KIF23: variants seen among roughly 807,000 people sequenced by gnomAD.
The protein encoded by KIF23 is kinesin family member 23.
In KIF23, 30 loss-of-function variants were observed where a neutral mutation model predicts 137.5. That is an observed-to-expected ratio of 0.22 (90% CI 0.16 to 0.30). KIF23 has a LOEUF of 0.30. Ranked by LOEUF, KIF23 falls within the 10% of genes least tolerant of loss-of-function variation. The pLI is 1.00. For missense variants in KIF23, 920 were observed against 1,194.3 expected (o/e 0.77, Z 3.38); for synonymous variants, 367 against 391.1 (o/e 0.94, Z 0.73).
chr15:69,440,249 C>A, intron 17 of KIF23, 59 bp from the exon 18 acceptor site: 1 of 1,546,094 alleles, frequency 6.5e-7, no homozygotes, highest in South Asian at 1.2e-5. Context: ...ATTGGGTAAT[C>A]TGGTGTACTC....
intron 3 of KIF23, among the ~76,000 whole-genome samples, chr15:69,419,270 A>G (rs2056993632): frequency 6.7e-6 from 1 of 148,466 alleles, no homozygotes; most frequent in South Asian, 2.2e-4. Flanking sequence ...TCCACTTGGA[A>G]TCTTCTCTAA....
chr15:69,415,000 G>T (rs2056861209), intron 1 of KIF23: 1 of 153,274 alleles, frequency 6.5e-6, no homozygotes, highest in African/African-American at 2.4e-5. Flanking sequence ...TGTCCTTGAG[G>T]CCGAGCCCAT....
chr15:69,445,166 T>TAACC, intron 20 of KIF23, 125 bp downstream of exon 20: 1 of 957,114 alleles, frequency 1.0e-6, no homozygotes, highest in Non-Finnish European at 1.5e-6. Context: ...GTATTTGATA[T>TAACC]AACCTTTTTG....
At chr15:69,420,093 C>G (rs1404381985) in intron 3 of KIF23, among the ~76,000 whole-genome samples, 1 of 151,994 alleles carries the variant, frequency 6.6e-6, no homozygotes, top group Non-Finnish European at 1.5e-5. Flanking sequence ...GGCGAAACCC[C>G]ATCACTACTA....
chr15:69,446,769 A>G (rs2057748572), intron 22 of KIF23, 102 bp from the exon 23 acceptor site: 6 of 1,019,414 alleles, frequency 5.9e-6, no homozygotes, highest in Admixed American at 1.7e-5. Flanking sequence ...TGAACTAGAA[A>G]GCAATATTGC....
At chr15:69,427,430 A>G (rs1370897578) in intron 10 of KIF23, 2 of 456,048 alleles carry the variant, frequency 4.4e-6, no homozygotes, top group South Asian at 3.1e-5. Context: ...AAGTTTGCAA[A>G]TCTTTAAAAA....
At chr15:69,442,375 G>C (rs2057642161) in intron 19 of KIF23, among the ~76,000 whole-genome samples, 1 of 152,026 alleles carries the variant, frequency 6.6e-6, no homozygotes, top group East Asian at 1.9e-4. Context: ...TGAATAAATG[G>C]ACCAAGTTAA....
At chr15:69,418,435 C>T (rs1350793206) in intron 3 of KIF23, among the ~76,000 whole-genome samples, 1 of 152,148 alleles carries the variant, frequency 6.6e-6, no homozygotes, top group African/African-American at 2.4e-5. Flanking sequence ...CTTATTCCCT[C>T]TCTAAATACT....
intron 8 of KIF23, 58 bp downstream of exon 8, chr15:69,425,381 G>A: frequency 7.2e-7 from 1 of 1,384,772 alleles, no homozygotes; most frequent in Non-Finnish European, 9.9e-7. Flanking sequence ...ACTATGGTTG[G>A]CATTCTGTGG....
chr15:69,414,431 C>A lies in KIF23; in HGVS notation c.-35C>A. On this transcript the variant is annotated 5_prime_UTR_variant, in exon 1 of 24. Coordinates refer to ENST00000679126, the MANE Select transcript of KIF23 (RefSeq NM_001367805.3). The stretch of plus-strand genomic sequence containing the variant: ...CGCAGTCTTCGCCAGCCAGCCGTCC[C>A]GCATGCGCGTTTGGGCGGCGTGGAG... 4.4e-6 allele frequency: 7 copies of A among 1,578,526 alleles called. No individual in the cohort carries two copies. Among genetic ancestry groups the A allele is most frequent in the Non-Finnish European group, 6.0e-6 (7 of 1,162,242 alleles).
At chr15:69,427,542 C>A in intron 10 of KIF23, 1 of 442,868 alleles carries the variant, frequency 2.3e-6, no homozygotes. Context: ...GTCAGTAATT[C>A]ATTTTTCAGG....
chr15:69,435,029 C>G, intron 11 of KIF23: 1 of 580,858 alleles, frequency 1.7e-6, no homozygotes, highest in Non-Finnish European at 3.1e-6. Context: ...TGGCATCTCC[C>G]TGGTGTGGTC....
intron 3 of KIF23, among the ~76,000 whole-genome samples, chr15:69,420,440 C>T (rs143596102): frequency 1.3e-5 from 2 of 152,208 alleles, no homozygotes; most frequent in South Asian, 4.1e-4. Context: ...TATGTGTATC[C>T]TTTCAGTTCC....
intron 11 of KIF23, among the ~76,000 whole-genome samples, chr15:69,434,071 A>T (rs1016658415): frequency 1.3e-5 from 2 of 152,190 alleles, no homozygotes; most frequent in Admixed American, 6.6e-5. Flanking sequence ...ATGCTTCCTG[A>T]TGATGACCAA....
rs186708542 is a variant in KIF23, at chr15:69,416,562, G to A, written c.81+499G>A. On this transcript the variant is annotated intron_variant, in intron 2 of 23. Coordinates refer to ENST00000679126, the MANE Select transcript of KIF23 (RefSeq NM_001367805.3). ...CTGAGGTATTTTAAATCTATCCCTC[G>A]TTGCCACTGGAGTGGGTCCCTGGCT... 2.4e-3 allele frequency among the ~76,000 whole-genome samples: 362 copies of A among 152,280 alleles called. 1 individual carries two copies. The highest frequency in any genetic ancestry group is 8.3e-3 in the African/African-American group (344 of 41,560).
Position 69,417,491 on chromosome 15 carries a change from C to A in KIF23, c.190C>A (p.Arg64=), listed in dbSNP as rs753740001. ...TACTCCTGAGGGCTACAGACTCAAC[C>A]GAAATGGAGACTATAAGGAGGTAAT... is the stretch of plus-strand genomic sequence containing the variant. The part of the protein sequence containing the change: ...LHTPEGYRLN[R]NGDYKETQYS... Residue 64 remains arginine (R), a synonymous_variant, in exon 3 of 24, where the codon CGA becomes AGA. Coordinates refer to ENST00000679126, the MANE Select transcript of KIF23 (RefSeq NM_001367805.3). 2.5e-6 allele frequency: 4 copies of A among 1,613,548 alleles called. No individual in the cohort carries two copies. The highest frequency in any genetic ancestry group is 2.5e-6 in the Non-Finnish European group (3 of 1,179,750).
At chr15:69,421,164 G>A (rs2057043787) in intron 3 of KIF23, among the ~76,000 whole-genome samples, 1 of 152,132 alleles carries the variant, frequency 6.6e-6, no homozygotes, top group Admixed American at 6.5e-5. Context: ...AGGCTGAGGT[G>A]GGTGGATCAC....
intron 11 of KIF23, chr15:69,435,131 C>G (rs1182579901): frequency 8.6e-6 from 4 of 466,088 alleles, no homozygotes; most frequent in Non-Finnish European, 1.5e-5. Flanking sequence ...TGTCAATTGC[C>G]TAGAGAATAT....
intron 20 of KIF23, among the ~76,000 whole-genome samples, chr15:69,445,484 T>C (rs2057720638): frequency 6.6e-6 from 1 of 151,248 alleles, no homozygotes; most frequent in African/African-American, 2.4e-5. Context: ...GAGACTTGCC[T>C]GACTATAGAA....
Sources: gnomAD v4.1 joint callset for allele counts (sites outside exome capture counted in the v4.1 genomes callset) on GRCh38, gnomAD v4.1.1 for gene constraint, MANE v1.5 for transcripts, NCBI Gene and HGNC (gene_info 2026-07-23, HGNC 2026-07-21) for gene names.